The following ZBTB20 variants were observed in gnomAD, a reference collection of about 807,000 sequenced individuals.
ZBTB20 encodes the protein zinc finger and BTB domain-containing protein 20.
ZBTB20 carries 9 observed loss-of-function variants against 56.9 expected under a neutral mutation model. The observed-to-expected ratio is 0.16, with a 90% confidence interval of 0.10 to 0.28. The LOEUF (loss-of-function observed/expected upper bound fraction) is 0.28, where lower values mean the gene tolerates loss of function less well. Ranked by LOEUF, ZBTB20 falls within the 10% of genes least tolerant of loss-of-function variation. The probability of loss-of-function intolerance (pLI) is 1.00; values close to 1 mark genes in which losing one functional copy is unlikely to be tolerated. For synonymous variants in ZBTB20, 417 were observed against 420.7 expected (o/e 0.99, Z 0.11); for missense variants, 655 against 1,003.0 (o/e 0.65, Z 4.69).
chr3:115,099,526 T>C (rs2083501151), intron 1 of ZBTB20, among the ~76,000 whole-genome samples: 1 of 152,222 alleles, frequency 6.6e-6, no homozygotes, highest in African/African-American at 2.4e-5. Context: ...GCAATGTTTC[T>C]ATGTGTGTGA....
At chr3:114,708,138 A>G (rs1333507350) in intron 5 of ZBTB20, among the ~76,000 whole-genome samples, 4 of 152,228 alleles carry the variant, frequency 2.6e-5, no homozygotes, top group Admixed American at 2.0e-4. Context: ...AAGAAACGCA[A>G]TCTAATCTCA....
At chr3:115,079,318 A>G (rs1436638815) in intron 1 of ZBTB20, among the ~76,000 whole-genome samples, 4 of 152,226 alleles carry the variant, frequency 2.6e-5, no homozygotes, top group Non-Finnish European at 5.9e-5. Context: ...TAATGGAAAT[A>G]TGTGCGCATA....
At chr3:114,508,962 C>T (rs993127047) in intron 6 of ZBTB20, among the ~76,000 whole-genome samples, 1 of 152,264 alleles carries the variant, frequency 6.6e-6, no homozygotes, top group South Asian at 2.1e-4. Flanking sequence ...CAGCATTAAG[C>T]TAACTTTGAC....
chr3:114,732,006 T>C (rs936492444), intron 5 of ZBTB20, among the ~76,000 whole-genome samples: 1 of 152,162 alleles, frequency 6.6e-6, no homozygotes, highest in East Asian at 1.9e-4. Context: ...AGATATCAGA[T>C]CACATATTGT....
intron 5 of ZBTB20, among the ~76,000 whole-genome samples, chr3:114,754,101 T>C (rs2067816658): frequency 6.6e-6 from 1 of 152,156 alleles, no homozygotes; most frequent in Non-Finnish European, 1.5e-5. Context: ...TGCTGTAACT[T>C]GTGGAGCAAA....
intron 10 of ZBTB20, among the ~76,000 whole-genome samples, chr3:114,373,689 G>A (rs182097443): frequency 1.3e-5 from 2 of 152,066 alleles, no homozygotes; most frequent in East Asian, 1.9e-4. Flanking sequence ...TATTTACCCC[G>A]TTATGTTCCA....
chr3:114,350,645 C>T lies in ZBTB20; in HGVS notation c.1433G>A (p.Arg478His), dbSNP rs778996878. ...GTTGCTGGTGAGGGTTTCTGTCTGG[C>T]GTAAGTAGAGCTGGGTACTTGGCAA... is the stretch of plus-strand genomic sequence containing the variant. Reference protein sequence around the residue: ...QPLPSTQLYLRQTETLTSNLR... With the variant: ...QPLPSTQLYLHQTETLTSNLR... Residue 478 changes from arginine (R) to histidine (H), a missense_variant, in exon 11 of 12, where the codon CGC (arginine) becomes CAC (histidine). Physicochemically the swap from Arg to His is conservative, Grantham distance 29. Transcript: ENST00000675478. The T allele has an allele frequency of 1.2e-6, 2 of 1,614,168 alleles. No individual in the cohort carries two copies. Among genetic ancestry groups the T allele is most frequent in the Non-Finnish European group, 1.7e-6 (2 of 1,180,036 alleles).
At chr3:114,806,899 T>A (rs894753890) in intron 4 of ZBTB20, among the ~76,000 whole-genome samples, 1 of 151,988 alleles carries the variant, frequency 6.6e-6, no homozygotes, top group African/African-American at 2.4e-5. Context: ...CAAATTGCCT[T>A]GGCACCTTTG....
chr3:114,354,576 T>G (rs1215980455), intron 10 of ZBTB20, among the ~76,000 whole-genome samples: 2 of 111,884 alleles, frequency 1.8e-5, no homozygotes, highest in Admixed American at 1.3e-4. Context: ...TTTTTTTGTT[T>G]TGTTTTGTTT....
chr3:114,844,279 G>T (rs1191837364), intron 4 of ZBTB20, among the ~76,000 whole-genome samples: 2 of 143,856 alleles, frequency 1.4e-5, no homozygotes. Context: ...GTAAGCTACT[G>T]TGTAGTGATG....
At position 114,967,590 on chromosome 3, in the gene ZBTB20, A is replaced by AG. The variant is rs199859664; in HGVS notation, c.-456+6775dup. ...GCATATACTTTTGCATTCCTCCTCAAGGGAAAAAAAAGGGGGGAAAGCCTA... is the reference window on the plus strand; with the variant it reads ...GCATATACTTTTGCATTCCTCCTCAAGGGGAAAAAAAAGGGGGGAAAGCCTA... On this transcript the variant is annotated intron_variant, in intron 3 of 11. Coordinates refer to ENST00000675478, the MANE Select transcript of ZBTB20 (RefSeq NM_001348800.3). 4.6e-3 allele frequency among the ~76,000 whole-genome samples: 698 copies of AG among 152,210 alleles called. 4 individuals carry two copies. The highest frequency in any genetic ancestry group is 0.016 in the African/African-American group (664 of 41,544).
intron 6 of ZBTB20, among the ~76,000 whole-genome samples, chr3:114,571,254 C>T (rs533771066): frequency 2.0e-5 from 3 of 152,220 alleles, no homozygotes; most frequent in African/African-American, 4.8e-5. Flanking sequence ...TAACACTTTG[C>T]ACTTCAATTG....
At chr3:114,650,456 T>C (rs2060071084) in intron 6 of ZBTB20, among the ~76,000 whole-genome samples, 1 of 131,432 alleles carries the variant, frequency 7.6e-6, no homozygotes, top group South Asian at 2.3e-4. Context: ...TTAACATCTA[T>C]TTACAAAAAA....
intron 3 of ZBTB20, among the ~76,000 whole-genome samples, chr3:114,950,970 C>A (rs2077046899): frequency 6.6e-6 from 1 of 152,044 alleles, no homozygotes; most frequent in African/African-American, 2.4e-5. Context: ...GATTCTATTT[C>A]TATATTTTTC....
At chr3:114,502,214 C>G (rs2044073793) in intron 6 of ZBTB20, among the ~76,000 whole-genome samples, 1 of 152,110 alleles carries the variant, frequency 6.6e-6, no homozygotes, top group African/African-American at 2.4e-5. Context: ...CATAAGGCCT[C>G]CAGAAATATG....
chr3:114,643,976 G>C, intron 6 of ZBTB20, among the ~76,000 whole-genome samples: 1 of 151,672 alleles, frequency 6.6e-6, no homozygotes, highest in Admixed American at 6.6e-5. Context: ...CACATTATAG[G>C]TTCTCTTTAA....
chr3:114,729,419 C>T (rs1048860039), intron 5 of ZBTB20, among the ~76,000 whole-genome samples: 3 of 152,156 alleles, frequency 2.0e-5, no homozygotes, highest in African/African-American at 7.2e-5. Context: ...ATTAACCTAT[C>T]TCTTTTTATT....
chr3:114,926,527 A>T (rs960350060), intron 3 of ZBTB20, among the ~76,000 whole-genome samples: 1 of 152,230 alleles, frequency 6.6e-6, no homozygotes, highest in African/African-American at 2.4e-5. Flanking sequence ...AGAAGGCTTT[A>T]AAAAAGTACC....
chr3:114,832,319 C>T (rs1426190387), intron 4 of ZBTB20, among the ~76,000 whole-genome samples: 1 of 152,000 alleles, frequency 6.6e-6, no homozygotes, highest in Non-Finnish European at 1.5e-5. Context: ...CTACCTTTTA[C>T]CTACCAAAAT....
Sources: allele counts gnomAD v4.1 joint callset (sites outside exome capture counted in the v4.1 genomes callset), GRCh38; gene constraint gnomAD v4.1.1; transcripts MANE v1.5; gene names NCBI Gene and HGNC (gene_info 2026-07-23, HGNC 2026-07-21).